The following ATAD2B variants were observed in gnomAD, a reference collection of about 807,000 sequenced individuals.
ATAD2B encodes ATPase family AAA domain-containing protein 2B.
In ATAD2B, 40 loss-of-function variants were observed where a neutral mutation model predicts 167.6. The observed-to-expected ratio is 0.24, with a 90% CI of 0.19 to 0.31. The LOEUF is 0.31. ATAD2B is among the 10% of genes least tolerant of loss of function. ATAD2B has a pLI of 1.00. For missense variants in ATAD2B, 1,242 were observed against 1,757.2 expected (o/e 0.71, Z 5.24); for synonymous variants, 579 against 596.5 (o/e 0.97, Z 0.43).
intron 6 of ATAD2B, among the ~76,000 whole-genome samples, chr2:23,882,827 A>C (rs181252871): frequency 0.015 from 2,215 of 151,942 alleles, 44 homozygotes; most frequent in African/African-American, 0.048. Context: ...ACAACAACAA[A>C]AAAAAAAAGA....
At chr2:23,816,615 C>T (rs568581333) in intron 17 of ATAD2B, among the ~76,000 whole-genome samples, 71 of 152,132 alleles carry the variant, frequency 4.7e-4, no homozygotes, top group Non-Finnish European at 8.7e-4. Context: ...AGTGTGGTCA[C>T]CAAAACTTTA....
chr2:23,802,854 TAAC>T (rs1000588658), intron 18 of ATAD2B, among the ~76,000 whole-genome samples: 1 of 152,088 alleles, frequency 6.6e-6, no homozygotes, highest in Non-Finnish European at 1.5e-5. Flanking sequence ...AAATTCCAGA[TAAC>T]AATTTCTTTC....
intron 15 of ATAD2B, among the ~76,000 whole-genome samples, chr2:23,828,043 A>G (rs1688501971): frequency 6.6e-6 from 1 of 151,296 alleles, no homozygotes; most frequent in East Asian, 1.9e-4. Context: ...GGATTTCTTC[A>G]TAATGCTTAA....
At position 23,792,260 on chromosome 2, in the gene ATAD2B, G is replaced by A. The variant is rs527542590; in HGVS notation, c.2641-3613C>T. On this transcript the variant is annotated intron_variant, in intron 19 of 27. Coordinates refer to ENST00000238789, the MANE Select transcript of ATAD2B (RefSeq NM_017552.4). ...GACGGGGTTTCACTACGTTGGCCAG[G>A]ATGGTCTCGATCTCCTGACCTCGTG... Among the ~76,000 whole-genome samples the A allele has an allele frequency of 5.9e-4, 89 of 151,986 alleles. 3 individuals are homozygous for A. In the South Asian group the frequency reaches 9.4e-3, roughly 16 times the overall value.
At chr2:23,892,383 C>A (rs1038628513) in intron 2 of ATAD2B, among the ~76,000 whole-genome samples, 1 of 152,076 alleles carries the variant, frequency 6.6e-6, no homozygotes, top group African/African-American at 2.4e-5. Flanking sequence ...CCAGGATGGT[C>A]TCTATCTCCT....
chr2:23,807,367 G>A (rs1684574592), intron 18 of ATAD2B, among the ~76,000 whole-genome samples: 1 of 152,160 alleles, frequency 6.6e-6, no homozygotes. Context: ...AAATACATTT[G>A]AAATTTATCT....
At chr2:23,783,568 A>T (rs1405837777) in intron 21 of ATAD2B, among the ~76,000 whole-genome samples, 1 of 152,088 alleles carries the variant, frequency 6.6e-6, no homozygotes, top group Non-Finnish European at 1.5e-5. Flanking sequence ...AAAATTAAGT[A>T]TAGTTTTCCT....
chr2:23,686,383 C>A, the ATAD2B span, among the ~76,000 whole-genome samples: 183 of 152,198 alleles, frequency 1.2e-3, no homozygotes, highest in Non-Finnish European at 2.4e-3. Flanking sequence ...GGTCCTACGC[C>A]TGACTCCGCC....
chr2:23,691,773 C>T, the ATAD2B span: 6 of 1,551,748 alleles, frequency 3.9e-6, no homozygotes, highest in Non-Finnish European at 5.2e-6. Flanking sequence ...AGTTTGTCTA[C>T]ACGGGCTCCC....
At chr2:23,862,991 C>G (rs1486425225) in intron 12 of ATAD2B, among the ~76,000 whole-genome samples, 1 of 152,160 alleles carries the variant, frequency 6.6e-6, no homozygotes, top group Non-Finnish European at 1.5e-5. Context: ...CTGAATATAA[C>G]ATATTGGATG....
chr2:23,744,859 C>T (rs932945290), downstream of ATAD2B, among the ~76,000 whole-genome samples: 5 of 152,142 alleles, frequency 3.3e-5, no homozygotes, highest in Non-Finnish European at 1.5e-5. Flanking sequence ...CTTAAATCTT[C>T]TCTGAAATTT....
intron 10 of ATAD2B, among the ~76,000 whole-genome samples, chr2:23,865,720 T>C (rs1164268668): frequency 6.6e-6 from 1 of 152,162 alleles, no homozygotes. Flanking sequence ...ATCTTATTCT[T>C]TAACATTTAA....
At chr2:23,911,735 G>A (rs1340949149) in intron 1 of ATAD2B, among the ~76,000 whole-genome samples, 2 of 152,072 alleles carry the variant, frequency 1.3e-5, no homozygotes, top group Non-Finnish European at 2.9e-5. Context: ...AGCACTTTGC[G>A]AGGCCAAGGC....
At chr2:23,871,743 C>G (rs1206479557) in intron 8 of ATAD2B, among the ~76,000 whole-genome samples, 1 of 152,216 alleles carries the variant, frequency 6.6e-6, no homozygotes, top group East Asian at 1.9e-4. Context: ...GCCCACATGT[C>G]CCATTAGCAA....
chr2:23,869,773 G>C lies in ATAD2B; in HGVS notation c.978-12C>G, dbSNP rs1301212273. 5.2e-6 allele frequency: 8 copies of C among 1,526,774 alleles called. No homozygotes were observed. In the Admixed American group the frequency reaches 8.0e-5, roughly 15 times the overall value. 94.6% of individuals were successfully genotyped at this position (1,526,774 alleles called of 1,614,324 possible). ...CATGCTTCTTTCTCCTATTTAAAGA[G>C]AGTAAAATCCTTAAAACCATTATAA... is the stretch of plus-strand genomic sequence containing the variant. On this transcript the variant is annotated splice_polypyrimidine_tract_variant and intron_variant, in intron 8 of 27. Transcript: ENST00000238789.
chr2:23,884,951 C>A (rs977903680), intron 5 of ATAD2B, 78 bp from the exon 6 acceptor site: 2 of 722,044 alleles, frequency 2.8e-6, no homozygotes, highest in Admixed American at 3.9e-5. Flanking sequence ...ATGGGACATA[C>A]CTGCTCAACA....
chr2:23,921,221 A>AC (rs1703883524), intron 1 of ATAD2B, among the ~76,000 whole-genome samples: 1 of 150,618 alleles, frequency 6.6e-6, no homozygotes, highest in African/African-American at 2.4e-5. Flanking sequence ...AAAAAAAAAA[A>AC]AAAAAAAAAC....
intron 7 of ATAD2B, among the ~76,000 whole-genome samples, chr2:23,878,655 T>C (rs1697408749): frequency 6.6e-6 from 1 of 151,854 alleles, no homozygotes. Flanking sequence ...CAAGACTCCA[T>C]CTCAAAATAA....
At chr2:23,812,596 C>T (rs1685770187) in intron 17 of ATAD2B, among the ~76,000 whole-genome samples, 1 of 152,150 alleles carries the variant, frequency 6.6e-6, no homozygotes, top group Non-Finnish European at 1.5e-5. Context: ...GGCACAGTGG[C>T]TCACGCCTGT....
Sources: gnomAD v4.1 joint callset for allele counts (sites outside exome capture counted in the v4.1 genomes callset) on GRCh38, gnomAD v4.1.1 for gene constraint, MANE v1.5 for transcripts, NCBI Gene and HGNC (gene_info 2026-07-23, HGNC 2026-07-21) for gene names.